The following ZFPM2 variants were observed in gnomAD, a reference collection of about 807,000 sequenced individuals.
ZFPM2 encodes the protein zinc finger protein, FOG family member 2.
Under a neutral mutation model 98.6 loss-of-function variants are expected in ZFPM2, and 20 were observed. The ratio of observed to expected loss-of-function variants is 0.20; its 90% CI spans 0.14 to 0.29. ZFPM2 has a LOEUF of 0.29. Among genes scored for constraint, ZFPM2 ranks in the 10% least tolerant of loss-of-function variants. The probability of loss-of-function intolerance (pLI) is 1.00; values close to 1 mark genes in which losing one functional copy is unlikely to be tolerated. For synonymous variants in ZFPM2, 518 were observed against 502.7 expected, an observed-to-expected ratio of 1.03 and a Z score of -0.41; for missense variants, 1,310 against 1,388.6, an observed-to-expected ratio of 0.94 and a Z score of 0.90.
chr8:105,485,057 C>G (rs1209242804), intron 3 of ZFPM2, among the ~76,000 whole-genome samples: 2 of 152,288 alleles, frequency 1.3e-5, no homozygotes, highest in Middle Eastern at 6.8e-3. Flanking sequence ...GAGCCCAGTT[C>G]AAGACAAACA....
intron 5 of ZFPM2, among the ~76,000 whole-genome samples, chr8:105,686,475 G>T (rs1357462796): frequency 6.6e-6 from 1 of 152,058 alleles, no homozygotes; most frequent in African/African-American, 2.4e-5. Flanking sequence ...TTAAGTTCAT[G>T]TGAGGGCATC....
At chr8:105,405,363 T>C (rs924931387) in intron 1 of ZFPM2, among the ~76,000 whole-genome samples, 9 of 151,876 alleles carry the variant, frequency 5.9e-5, no homozygotes, top group South Asian at 2.1e-4. Flanking sequence ...ATGTGCCATG[T>C]TGGTGTGCTG....
rs1815131947 is a variant in ZFPM2 at position 105,561,383 on chromosome 8, A to G, written c.322A>G (p.Lys108Glu). The G allele has an allele frequency of 1.2e-6, 2 of 1,613,552 alleles. No individual in the cohort carries two copies. Among genetic ancestry groups the G allele is most frequent in the African/African-American group, 1.3e-5 (1 of 75,028 alleles). Residue 108 changes from lysine to glutamate, a missense_variant, in exon 4 of 8, where the codon AAA becomes GAA. By Grantham distance (56) the Lys-to-Glu change is moderately conservative. Transcript: ENST00000407775. ...DGPGELEVFQ[K>E]DGERKIQSRQ... ...TGCAGGAGAGCTGGAGGTGTTTCAG[A>G]AAGATGGGGAACGAAAAATTCAGAG...
intron 4 of ZFPM2, among the ~76,000 whole-genome samples, chr8:105,568,133 A>G (rs1357546513): frequency 1.3e-5 from 2 of 152,062 alleles, no homozygotes; most frequent in African/African-American, 2.4e-5. Context: ...AGCTTCAGCT[A>G]CTAATTTACA....
In ZFPM2 at chr8:105,801,246, C is replaced by G; in HGVS notation, c.1164C>G (p.Ser388Arg). ...AGCACCAGGAGCTCCATGTCCCTAG[C>G]GGCAAACTTCCCAGAGAAAGTGACA... ...LLQHQELHVP[S>R]GKLPRESDME... The change falls in exon 8 of 8, where the codon AGC becomes AGG. Residue 388 changes from serine to arginine, a missense_variant. Transcript: ENST00000407775. The G allele has an allele frequency of 6.2e-7, 1 of 1,613,944 alleles. No homozygotes were observed. The highest frequency in any genetic ancestry group is 8.5e-7 in the Non-Finnish European group (1 of 1,179,876).
chr8:105,757,132 A>G (rs1812619717), intron 5 of ZFPM2, among the ~76,000 whole-genome samples: 1 of 152,164 alleles, frequency 6.6e-6, no homozygotes, highest in African/African-American at 2.4e-5. Flanking sequence ...AATATAGTCC[A>G]ACCATTTTTT....
intron 3 of ZFPM2, among the ~76,000 whole-genome samples, chr8:105,478,578 G>A (rs1171903639): frequency 6.6e-6 from 1 of 152,160 alleles, no homozygotes; most frequent in Non-Finnish European, 1.5e-5. Context: ...ACTCATCCTT[G>A]TAGTTTGAGG....
intron 2 of ZFPM2, among the ~76,000 whole-genome samples, chr8:105,438,773 C>A (rs1371546436): frequency 6.6e-6 from 1 of 152,080 alleles, no homozygotes; most frequent in Non-Finnish European, 1.5e-5. Context: ...ATCAGTCCCC[C>A]CACTGAAATA....
intron 4 of ZFPM2, among the ~76,000 whole-genome samples, chr8:105,570,552 GAAAATAC>G (rs1402915164): frequency 1.3e-5 from 2 of 152,202 alleles, no homozygotes; most frequent in Non-Finnish European, 2.9e-5. Context: ...GGCAGTGGAT[GAAAATAC>G]ATTGTCATAT....
At chr8:105,726,173 G>C (rs1811802734) in intron 5 of ZFPM2, among the ~76,000 whole-genome samples, 1 of 144,796 alleles carries the variant, frequency 6.9e-6, no homozygotes, top group Non-Finnish European at 1.5e-5. Context: ...CTCAGATGTT[G>C]TGATTTTTTT....
intron 1 of ZFPM2, among the ~76,000 whole-genome samples, chr8:105,327,834 T>C (rs1743760384): frequency 6.6e-6 from 1 of 151,830 alleles, no homozygotes; most frequent in African/African-American, 2.4e-5. Context: ...TTTTTATTAC[T>C]TACAATAGCA....
At chr8:105,738,095 G>A (rs977164066) in intron 5 of ZFPM2, among the ~76,000 whole-genome samples, 7 of 151,824 alleles carry the variant, frequency 4.6e-5, no homozygotes, top group African/African-American at 1.7e-4. Flanking sequence ...ATGGGGGTTC[G>A]TTATACAGAT....
chr8:105,399,405 G>A (rs576166853), intron 1 of ZFPM2, among the ~76,000 whole-genome samples: 1 of 152,258 alleles, frequency 6.6e-6, no homozygotes, highest in South Asian at 2.1e-4. Flanking sequence ...ATGTTTCGGA[G>A]GTAGAGCTTT....
At chr8:105,582,033 C>G (rs752856142) in intron 4 of ZFPM2, among the ~76,000 whole-genome samples, 1 of 152,122 alleles carries the variant, frequency 6.6e-6, no homozygotes, top group Non-Finnish European at 1.5e-5. Context: ...TGAAAATGTG[C>G]CTGTTTCTGT....
chr8:105,765,763 C>T (rs927836822), intron 5 of ZFPM2, among the ~76,000 whole-genome samples: 2 of 151,832 alleles, frequency 1.3e-5, no homozygotes, highest in African/African-American at 2.4e-5. Context: ...TTCTAGCAAT[C>T]GGTTCAATAA....
At chr8:105,698,316 A>T (rs1171012551) in intron 5 of ZFPM2, among the ~76,000 whole-genome samples, 1 of 152,152 alleles carries the variant, frequency 6.6e-6, no homozygotes, top group Non-Finnish European at 1.5e-5. Flanking sequence ...AGAGGTGGAG[A>T]GAGAAGGGGT....
At chr8:105,588,759 A>G (rs1815780559) in intron 4 of ZFPM2, among the ~76,000 whole-genome samples, 1 of 152,192 alleles carries the variant, frequency 6.6e-6, no homozygotes, top group Admixed American at 6.5e-5. Context: ...TTTGTCAAAG[A>G]TTAACCACAC....
At chr8:105,690,659 C>G (rs1385419311) in intron 5 of ZFPM2, among the ~76,000 whole-genome samples, 1 of 152,098 alleles carries the variant, frequency 6.6e-6, no homozygotes, top group Non-Finnish European at 1.5e-5. Context: ...AGCCTCATGA[C>G]CCACAGAAAC....
At chr8:105,398,726 G>A (rs1391678897) in intron 1 of ZFPM2, among the ~76,000 whole-genome samples, 2 of 151,958 alleles carry the variant, frequency 1.3e-5, no homozygotes, top group Admixed American at 1.3e-4. Flanking sequence ...TGCTTCCCTG[G>A]CCACTCACCT....
Sources: allele counts gnomAD v4.1 joint callset (sites outside exome capture counted in the v4.1 genomes callset), GRCh38; gene constraint gnomAD v4.1.1; transcripts MANE v1.5; gene names NCBI Gene and HGNC (gene_info 2026-07-23, HGNC 2026-07-21).